STON2: variants seen among roughly 807,000 people sequenced by gnomAD.
STON2 encodes stonin-2.
Under a neutral mutation model 65.7 loss-of-function variants are expected in STON2, and 29 were observed. The ratio of observed to expected loss-of-function variants is 0.44; its 90% CI spans 0.33 to 0.60. STON2 has a LOEUF of 0.60. STON2 is among the 20% of genes least tolerant of loss of function. The pLI is 0.03. For missense variants in STON2, 1,054 were observed against 1,118.1 expected (o/e 0.94, Z 0.82); for synonymous variants, 404 against 414.2 (o/e 0.98, Z 0.30).
At chr14:81,417,607 C>T (rs1901499888) in intron 2 of STON2, among the ~76,000 whole-genome samples, 2 of 151,990 alleles carry the variant, frequency 1.3e-5, no homozygotes, top group Non-Finnish European at 2.9e-5. Context: ...TAATTGGAGA[C>T]AGGATAGGAA....
chr14:81,354,575 T>C (rs1898148832), intron 4 of STON2, among the ~76,000 whole-genome samples: 1 of 151,992 alleles, frequency 6.6e-6, no homozygotes, highest in South Asian at 2.1e-4. Flanking sequence ...AATAATTCTC[T>C]CGAAAAAGTT....
chr14:81,276,281 T>C (rs1894815233), intron 6 of STON2, among the ~76,000 whole-genome samples: 1 of 152,230 alleles, frequency 6.6e-6, no homozygotes, highest in African/African-American at 2.4e-5. Context: ...AAATAAAACA[T>C]TCTTTTCTTT....
chr14:81,298,985 G>C (rs1327860856), intron 5 of STON2, among the ~76,000 whole-genome samples: 3 of 152,126 alleles, frequency 2.0e-5, no homozygotes, highest in African/African-American at 7.2e-5. Context: ...AGTACCCAAA[G>C]TCCCACCTCT....
chr14:81,397,489 T>A (rs1900383079), intron 2 of STON2, among the ~76,000 whole-genome samples: 1 of 152,194 alleles, frequency 6.6e-6, no homozygotes, highest in Non-Finnish European at 1.5e-5. Flanking sequence ...TTACAGCACA[T>A]CCCAATTCAG....
At chr14:81,428,460 C>G (rs969941843) in intron 1 of STON2, among the ~76,000 whole-genome samples, 13 of 152,226 alleles carry the variant, frequency 8.5e-5, no homozygotes, top group African/African-American at 3.1e-4. Context: ...TGGTGGCTCA[C>G]GCCTGTAATC....
chr14:81,425,766 T>G (rs112240752), intron 2 of STON2, among the ~76,000 whole-genome samples: 6 of 152,218 alleles, frequency 3.9e-5, no homozygotes, highest in African/African-American at 1.4e-4. Flanking sequence ...GCGATTCTTG[T>G]AGCAATTACC....
chr14:81,355,049 T>C (rs1291133786), intron 4 of STON2, among the ~76,000 whole-genome samples: 3 of 149,736 alleles, frequency 2.0e-5, no homozygotes, highest in African/African-American at 7.3e-5. Context: ...GAAGAAAGAA[T>C]GAGTGAGCTC....
At chr14:81,285,089 T>C (rs1448888641) in intron 5 of STON2, among the ~76,000 whole-genome samples, 6 of 152,216 alleles carry the variant, frequency 3.9e-5, no homozygotes, top group African/African-American at 1.4e-4. Context: ...ATTAATGTTG[T>C]TTTCATGCCT....
At chr14:81,399,063 A>AGCAT (rs1249878376) in intron 1 of STON2, among the ~76,000 whole-genome samples, 2 of 152,254 alleles carry the variant, frequency 1.3e-5, no homozygotes, top group Non-Finnish European at 2.9e-5. Context: ...GGTATCTCCA[A>AGCAT]GCATGGTTTA....
rs766883244 is a variant in STON2, at chr14:81,261,909, G to A, written c.*6505C>T. On this transcript the variant is annotated 3_prime_UTR_variant, in exon 8 of 8. Transcript: ENST00000614646. ...AAGGCAACTGCAATATAGAGGATTT[G>A]GAAGGTTGTCTGTTTCTGTTGTCTG... 4.6e-6 allele frequency: 7 copies of A among 1,509,108 alleles called. No individual in the cohort carries two copies. In the South Asian group the frequency reaches 8.8e-5, roughly 19 times the overall value. 93.5% of individuals were successfully genotyped at this position (1,509,108 alleles called of 1,614,324 possible). A position where few individuals can be genotyped will look rare whatever the true frequency, so the allele number is the denominator to read the frequency against.
intron 5 of STON2, among the ~76,000 whole-genome samples, chr14:81,280,002 T>G (rs1419690391): frequency 6.6e-6 from 1 of 152,206 alleles, no homozygotes; most frequent in Non-Finnish European, 1.5e-5. Flanking sequence ...GGGTGAGTGT[T>G]AAGAAATTGA....
chr14:81,271,780 C>T (rs1894604588), intron 6 of STON2, among the ~76,000 whole-genome samples: 1 of 152,180 alleles, frequency 6.6e-6, no homozygotes, highest in South Asian at 2.1e-4. Flanking sequence ...CATTCACCTG[C>T]CATACAGGAA....
Position 81,265,415 on chromosome 14 carries a change from G to GATTAC in STON2, c.*2998_*2999insGTAAT. On this transcript the variant is annotated 3_prime_UTR_variant, in exon 8 of 8. Coordinates refer to ENST00000614646, the MANE Select transcript of STON2 (RefSeq NM_001394390.1). ...CACGCCTGTAATCCCAGAGCTTTGGGAGACTGAGGCAGGCTTATCACCTGA... is the reference window on the plus strand; with the variant it reads ...CACGCCTGTAATCCCAGAGCTTTGGGATTACAGACTGAGGCAGGCTTATCACCTGA... The GATTAC allele has an allele frequency of 1.1e-6, 1 of 905,290 alleles. No individual in the cohort carries two copies. Among genetic ancestry groups the GATTAC allele is most frequent in the Non-Finnish European group, 1.3e-6 (1 of 757,900 alleles). The allele number at this position is 905,290 out of a possible 1,614,324, so 56.1% of individuals were successfully genotyped here. A position where few individuals can be genotyped will look rare whatever the true frequency, so the allele number is the denominator to read the frequency against.
intron 5 of STON2, among the ~76,000 whole-genome samples, chr14:81,308,781 CATATATATATATATATATATATATAT>C (rs57821672): frequency 1.1e-4 from 1 of 9,170 alleles, no homozygotes; most frequent in Non-Finnish European, 2.0e-4. Context: ...TGGTTTTACC[CATATATATATATATATATATATATAT>C]ATATATATAT....
At chr14:81,422,433 T>G (rs1901750348) in intron 2 of STON2, among the ~76,000 whole-genome samples, 1 of 152,180 alleles carries the variant, frequency 6.6e-6, no homozygotes, top group Non-Finnish European at 1.5e-5. Context: ...CCCGCAGAAC[T>G]ATGAGCCAAA....
chr14:81,427,725 AAGAG>A (rs978248589), intron 1 of STON2, among the ~76,000 whole-genome samples: 16 of 151,480 alleles, frequency 1.1e-4, no homozygotes, highest in African/African-American at 3.2e-4. Context: ...GAAAAAAAAA[AAGAG>A]AGAGAGAAAA....
At chr14:81,414,295 C>T (rs1344063346) in intron 2 of STON2, among the ~76,000 whole-genome samples, 1 of 152,104 alleles carries the variant, frequency 6.6e-6, no homozygotes, top group Non-Finnish European at 1.5e-5. Context: ...GCCAGAGATA[C>T]AAGTTAGGAC....
chr14:81,383,599 T>C (rs1181009376), intron 3 of STON2, among the ~76,000 whole-genome samples: 1 of 152,136 alleles, frequency 6.6e-6, no homozygotes, highest in East Asian at 1.9e-4. Flanking sequence ...TAGTCCTACC[T>C]TCAAAATACA....
In STON2 at chr14:81,263,343, A is replaced by G. The variant is rs551081013; in HGVS notation, c.*5071T>C. ...CACCTGAGCTCAGAAGTTCAAGACC[A>G]GCTGGCCAACATAATGAAATCCCAT... On this transcript the variant is annotated 3_prime_UTR_variant, in exon 8 of 8. Transcript: ENST00000614646. 5.5e-6 allele frequency: 1 copy of G among 181,188 alleles called. No homozygotes were observed. Among genetic ancestry groups the G allele is most frequent in the African/African-American group, 2.4e-5 (1 of 42,072 alleles). 11.2% of individuals were successfully genotyped at this position (181,188 alleles called of 1,614,324 possible).
Sources: allele counts gnomAD v4.1 joint callset (sites outside exome capture counted in the v4.1 genomes callset), GRCh38; gene constraint gnomAD v4.1.1; transcripts MANE v1.5; gene names NCBI Gene and HGNC (gene_info 2026-07-23, HGNC 2026-07-21).